The following RABGEF1 variants were observed in gnomAD, a reference collection of about 807,000 sequenced individuals.
RABGEF1 encodes the protein RAB guanine nucleotide exchange factor 1, also known as rab5 GDP/GTP exchange factor.
RABGEF1 carries 26 observed loss-of-function variants against 57.3 expected under a neutral mutation model. That is an observed-to-expected ratio of 0.45 (90% CI 0.33 to 0.63). The LOEUF (loss-of-function observed/expected upper bound fraction) is 0.63. RABGEF1 is among the 20% of genes least tolerant of loss of function. RABGEF1 has a pLI of 0.02. For missense variants in RABGEF1, 464 were observed against 607.6 expected (o/e 0.76, Z 2.48); for synonymous variants, 185 against 210.7 (o/e 0.88, Z 1.06).
intron 1 of RABGEF1, among the ~76,000 whole-genome samples, chr7:66,756,348 A>G (rs1359224213): frequency 6.6e-6 from 1 of 152,212 alleles, no homozygotes; most frequent in African/African-American, 2.4e-5. Context: ...TGTAAATGGT[A>G]TAGCCTTTTT....
intron 1 of RABGEF1, among the ~76,000 whole-genome samples, chr7:66,762,615 A>G (rs1173306653): frequency 6.6e-6 from 1 of 151,756 alleles, no homozygotes. Flanking sequence ...AAAAGAAAAA[A>G]AAGAAATAGG....
chr7:66,728,162 C>A (rs1796807404), intron 2 of RABGEF1, among the ~76,000 whole-genome samples: 1 of 152,182 alleles, frequency 6.6e-6, no homozygotes, highest in Non-Finnish European at 1.5e-5. Context: ...TGGCCAGGGC[C>A]TTGCTTTGTT....
At chr7:66,711,853 T>C (rs1326770316) in intron 1 of RABGEF1, among the ~76,000 whole-genome samples, 3 of 152,186 alleles carry the variant, frequency 2.0e-5, no homozygotes, top group Admixed American at 1.3e-4. Context: ...CCCAGAGTGC[T>C]GGGATTACAG....
chr7:66,799,306 T>C lies in RABGEF1; in HGVS notation c.729-17T>C, dbSNP rs1786752025. On this transcript the variant is annotated splice_polypyrimidine_tract_variant and intron_variant, in intron 6 of 8. Coordinates refer to ENST00000284957, the MANE Select transcript of RABGEF1 (RefSeq NM_014504.3). ...GTTTATCCTTGGAGCTCTTGTTTAC[T>C]GTCTCTCTCTCTTTAGAGCCCTGCG... 2 of 1,566,034 alleles carry C rather than the reference T, an allele frequency of 1.3e-6. No individual in the cohort carries two copies. The highest frequency in any genetic ancestry group is 1.8e-6 in the Non-Finnish European group (2 of 1,137,714).
chr7:66,767,586 C>G (rs1806058780), intron 1 of RABGEF1, among the ~76,000 whole-genome samples: 1 of 152,156 alleles, frequency 6.6e-6, no homozygotes, highest in Non-Finnish European at 1.5e-5. Flanking sequence ...TTCTAAACCA[C>G]AAGGTGTTGC....
Position 66,783,831 on chromosome 7 carries a change from A to G in RABGEF1, c.503A>G (p.His168Arg), listed in dbSNP as rs752265977. 8.1e-6 allele frequency: 13 copies of G among 1,612,602 alleles called. No individual in the cohort carries two copies. The Admixed American group carries it at 2.2e-4, about 27-fold the overall frequency. ...KQTKLFLEGM[H>R]YKRDLSIEEQ... ...ACCAAGCTGTTTTTGGAAGGAATGC[A>G]TTACAAAAGGGTAGGTTGAGAATAA... Residue 168 changes from histidine to arginine, a missense_variant, in exon 4 of 9, where the codon CAT becomes CGT. Physicochemically the swap from His to Arg is conservative, Grantham distance 29. Coordinates refer to ENST00000284957, the MANE Select transcript of RABGEF1 (RefSeq NM_014504.3).
intron 4 of RABGEF1, among the ~76,000 whole-genome samples, chr7:66,786,352 G>T (rs925277931): frequency 2.6e-5 from 4 of 152,192 alleles, no homozygotes; most frequent in African/African-American, 9.7e-5. Flanking sequence ...ACTGCAGTAT[G>T]GCAGTATAAT....
intron 2 of RABGEF1, among the ~76,000 whole-genome samples, chr7:66,713,572 G>A (rs960108884): frequency 3.3e-5 from 5 of 152,194 alleles, no homozygotes; most frequent in African/African-American, 1.2e-4. Flanking sequence ...GAACAGGAGC[G>A]ATGAGAATGA....
intron 1 of RABGEF1, among the ~76,000 whole-genome samples, chr7:66,741,529 G>T (rs1277240510): frequency 6.6e-6 from 1 of 152,138 alleles, no homozygotes; most frequent in Non-Finnish European, 1.5e-5. Context: ...CTCAGCGCGG[G>T]TGACCAATCC....
At position 66,799,327 on chromosome 7, in the gene RABGEF1, C is replaced by T; in HGVS notation, c.733C>T (p.Leu245=). 1 of 1,602,228 alleles carries T rather than the reference C, an allele frequency of 6.2e-7. No homozygotes were observed. Among genetic ancestry groups the T allele is most frequent in the South Asian group, 1.1e-5 (1 of 90,812 alleles). The part of the protein sequence containing the change: ...DLAIQKRIRA[L]RWVTPQMLCV... ...TTACTGTCTCTCTCTCTTTAGAGCC[C>T]TGCGCTGGGTTACGCCTCAGATGCT... The change falls in exon 7 of 9, where the codon CTG becomes TTG. Residue 245 remains leucine, a synonymous_variant. Coordinates refer to ENST00000284957, the MANE Select transcript of RABGEF1 (RefSeq NM_014504.3).
chr7:66,672,808 G>A, the RABGEF1 span, among the ~76,000 whole-genome samples: 25 of 152,350 alleles, frequency 1.6e-4, no homozygotes, highest in East Asian at 7.7e-4. Flanking sequence ...CCCCTGGTCA[G>A]ATAACTTGCT....
At chr7:66,732,198 G>C (rs1197727249) in intron 2 of RABGEF1, among the ~76,000 whole-genome samples, 1 of 152,340 alleles carries the variant, frequency 6.6e-6, no homozygotes. Flanking sequence ...GGTGCCTGGA[G>C]CACCGTCCAT....
chr7:66,758,744 T>C (rs1402146990), intron 1 of RABGEF1, among the ~76,000 whole-genome samples: 4 of 152,242 alleles, frequency 2.6e-5, no homozygotes, highest in African/African-American at 9.6e-5. Context: ...TTTCAAATGA[T>C]GGCACTCTCT....
At chr7:66,728,129 G>T (rs900425453) in intron 2 of RABGEF1, among the ~76,000 whole-genome samples, 2 of 152,180 alleles carry the variant, frequency 1.3e-5, no homozygotes, top group African/African-American at 4.8e-5. Flanking sequence ...GCTCAGGAAG[G>T]CCCTTACAAT....
At chr7:66,776,130 T>C (rs1808473438) in intron 3 of RABGEF1, among the ~76,000 whole-genome samples, 1 of 152,156 alleles carries the variant, frequency 6.6e-6, no homozygotes. Context: ...CTCAGAGTTA[T>C]GCAGTCAAAG....
At chr7:66,766,790 T>C (rs1158195332) in intron 1 of RABGEF1, among the ~76,000 whole-genome samples, 1 of 151,960 alleles carries the variant, frequency 6.6e-6, no homozygotes, top group Non-Finnish European at 1.5e-5. Flanking sequence ...AGTGGTGCGA[T>C]CTCGGCTTAC....
upstream of RABGEF1, among the ~76,000 whole-genome samples, chr7:66,738,707 G>A (rs1798338571): frequency 6.9e-6 from 1 of 145,030 alleles, no homozygotes; most frequent in Non-Finnish European, 1.5e-5. Flanking sequence ...GCTCCAGCCT[G>A]GGCAACAGAG....
In RABGEF1 at chr7:66,772,175, A is replaced by G. The variant is rs144912427; in HGVS notation, c.179+97A>G. 3.1e-3 allele frequency: 3,136 copies of G among 1,005,942 alleles called. 10 individuals are homozygous for G. Among genetic ancestry groups the G allele is most frequent in the Non-Finnish European group, 3.8e-3 (2,817 of 747,286 alleles). The allele number at this position is 1,005,942 out of a possible 1,614,324, so 62.3% of individuals were successfully genotyped here. The stretch of plus-strand genomic sequence containing the variant: ...CATTTTTTCACTTCTGCTTTGAGCT[A>G]TCAGCAAGTCAGTTTAATATTAAGG... On this transcript the variant is annotated intron_variant, in intron 2 of 8. Coordinates refer to ENST00000284957, the MANE Select transcript of RABGEF1 (RefSeq NM_014504.3).
chr7:66,708,849 T>C (rs1794444567), intron 1 of RABGEF1, among the ~76,000 whole-genome samples: 1 of 151,996 alleles, frequency 6.6e-6, no homozygotes, highest in Non-Finnish European at 1.5e-5. Context: ...TAGGTTTTGT[T>C]TTGTTTTGCT....
Sources: allele counts gnomAD v4.1 joint callset (sites outside exome capture counted in the v4.1 genomes callset), GRCh38; gene constraint gnomAD v4.1.1; transcripts MANE v1.5; gene names NCBI Gene and HGNC (gene_info 2026-07-23, HGNC 2026-07-21).